The following USP33 variants were observed in gnomAD, a reference collection of about 807,000 sequenced individuals.
USP33 encodes ubiquitin specific peptidase 33.
USP33 carries 46 observed loss-of-function variants against 124.2 expected under a neutral mutation model. The observed-to-expected ratio is 0.37, with a 90% confidence interval of 0.29 to 0.47. The LOEUF is 0.47. Among genes scored for constraint, USP33 ranks in the 20% least tolerant of loss-of-function variants. The pLI, the probability that USP33 is intolerant of heterozygous loss-of-function variation, is 0.99. For synonymous variants in USP33, 350 were observed against 352.3 expected, an observed-to-expected ratio of 0.99 and a Z score of 0.07; for missense variants, 851 against 1,070.6, an observed-to-expected ratio of 0.79 and a Z score of 2.86.
At position 77,710,244 on chromosome 1, in the gene USP33, T is replaced by C. The variant is rs369822975; in HGVS notation, c.2406+1503A>G. 2.6e-5 allele frequency among the ~76,000 whole-genome samples: 4 copies of C among 152,296 alleles called. No homozygotes were observed. In the East Asian group the frequency reaches 5.8e-4, roughly 22 times the overall value. On this transcript the variant is annotated intron_variant, in intron 21 of 23. Transcript: ENST00000370794. ...AGAAATTCTCTTTACCCTCTGTGGT[T>C]ATAAACACCATTCTTGGCCACTGCT... is the stretch of plus-strand genomic sequence containing the variant.
intron 17 of USP33, among the ~76,000 whole-genome samples, chr1:77,716,244 C>G (rs1426451903): frequency 6.6e-6 from 1 of 151,868 alleles, no homozygotes; most frequent in Non-Finnish European, 1.5e-5. Flanking sequence ...TGTTTTTTTA[C>G]AGATGGGGTC....
chr1:77,700,900 T>C (rs1673938319), intron 22 of USP33, among the ~76,000 whole-genome samples: 1 of 152,078 alleles, frequency 6.6e-6, no homozygotes, highest in African/African-American at 2.4e-5. Context: ...AGGGTTTCAC[T>C]ATGTTTCAGG....
intron 11 of USP33, among the ~76,000 whole-genome samples, chr1:77,725,141 G>A (rs1250642424): frequency 6.6e-6 from 1 of 151,422 alleles, no homozygotes; most frequent in Non-Finnish European, 1.5e-5. Context: ...ATCCTGAGAG[G>A]CAAACCTGTT....
intron 5 of USP33, among the ~76,000 whole-genome samples, 165 bp downstream of exon 5, chr1:77,739,100 G>C (rs1317331301): frequency 1.3e-5 from 2 of 152,094 alleles, no homozygotes; most frequent in Non-Finnish European, 2.9e-5. Flanking sequence ...AGCAACACAA[G>C]AAAGGGGAGT....
chr1:77,734,327 A>C lies in USP33; in HGVS notation c.524+20T>G. 1.3e-6 allele frequency: 2 copies of C among 1,535,142 alleles called. No homozygotes were observed. Among genetic ancestry groups the C allele is most frequent in the Non-Finnish European group, 1.8e-6 (2 of 1,134,928 alleles). ...CTTAAAAAATTATACAAATAAAACA[A>C]AATTAATTTCTCTATTTACCAATTA... is the stretch of plus-strand genomic sequence containing the variant. On this transcript the variant is annotated intron_variant, in intron 7 of 23. Coordinates refer to ENST00000370794, the MANE Select transcript of USP33 (RefSeq NM_201624.3).
In USP33 at chr1:77,701,396, C is replaced by T. The variant is rs1673999598; in HGVS notation, c.2482G>A (p.Glu828Lys). 6.2e-7 allele frequency: 1 copy of T among 1,612,056 alleles called. No homozygotes were observed. Among genetic ancestry groups the T allele is most frequent in the South Asian group, 1.1e-5 (1 of 90,648 alleles). ...CCATCTTTACCCTTCACAAAACTTT[C>T]CCATTCTCTAAACCACTGCATACTG... Reference protein sequence around the residue: ...CISMQWFREWESFVKGKDGDP... With the variant: ...CISMQWFREWKSFVKGKDGDP... The change falls in exon 22 of 24, where the codon GAA becomes AAA. Residue 828 changes from glutamate to lysine, a missense_variant. Glu to Lys is a moderately conservative substitution (Grantham distance 56). This residue lies in a region of USP33 where 142 missense variants were observed against 141.8 expected (regional missense o/e 1.00). Transcript: ENST00000370794.
chr1:77,700,676 G>A (rs918445558), intron 22 of USP33, among the ~76,000 whole-genome samples: 17 of 150,184 alleles, frequency 1.1e-4, no homozygotes, highest in Admixed American at 1.1e-3. Flanking sequence ...TATTGTTGCA[G>A]CCTTTTTCAC....
chr1:77,718,567 T>C (rs1676181142), intron 16 of USP33, 29 bp downstream of exon 16: 1 of 1,535,800 alleles, frequency 6.5e-7, no homozygotes, highest in African/African-American at 1.4e-5. Flanking sequence ...TACCACACAA[T>C]ATAAGTTGAA....
chr1:77,739,229 G>GT, intron 5 of USP33, 36 bp downstream of exon 5: 1 of 1,582,104 alleles, frequency 6.3e-7, no homozygotes, highest in Admixed American at 1.8e-5. Flanking sequence ...TTACCGGAAT[G>GT]TTTTACAGCT....
chr1:77,750,942 T>C (rs1336203810), intron 1 of USP33, among the ~76,000 whole-genome samples: 1 of 152,210 alleles, frequency 6.6e-6, no homozygotes, highest in Non-Finnish European at 1.5e-5. Flanking sequence ...TCTTCTCAAA[T>C]TGTACACCAA....
chr1:77,735,580 A>G (rs964697586), intron 6 of USP33, among the ~76,000 whole-genome samples: 3 of 152,222 alleles, frequency 2.0e-5, no homozygotes, highest in Non-Finnish European at 4.4e-5. Context: ...TATCAATTAT[A>G]AAACAGAAAA....
intron 1 of USP33, among the ~76,000 whole-genome samples, chr1:77,742,293 T>C (rs1163852316): frequency 1.3e-5 from 2 of 152,202 alleles, no homozygotes. Context: ...CCCGGCACTA[T>C]TGACACTTAG....
At chr1:77,733,478 A>G (rs1678083003) in intron 7 of USP33, among the ~76,000 whole-genome samples, 1 of 152,162 alleles carries the variant, frequency 6.6e-6, no homozygotes, top group African/African-American at 2.4e-5. Flanking sequence ...TTATTTCACA[A>G]GGTTATGAAA....
rs922362097 is a variant in USP33 at position 77,734,985 on chromosome 1, T to C, written c.455-569A>G. On this transcript the variant is annotated intron_variant, in intron 6 of 23. Transcript: ENST00000370794. ...AAAAATACAAAAAATTTGCCGGGCA[T>C]GGTGGCGGGTGCCTGTAGTCCCAGC... Among the ~76,000 whole-genome samples the C allele has an allele frequency of 5.3e-5, 8 of 152,022 alleles. No homozygotes were observed. The East Asian group carries it at 9.6e-4, about 18-fold the overall frequency.
At chr1:77,717,330 A>G (rs941167962) in intron 17 of USP33, among the ~76,000 whole-genome samples, 1 of 152,068 alleles carries the variant, frequency 6.6e-6, no homozygotes, top group Non-Finnish European at 1.5e-5. Flanking sequence ...TCCACTAAAA[A>G]TACAAAAAAA....
Position 77,711,852 on chromosome 1 carries a change from A to G in USP33, c.2301T>C (p.Tyr767=). The change falls in exon 21 of 24, where the codon TAT becomes TAC. Residue 767 remains tyrosine, a synonymous_variant. Transcript: ENST00000370794. ...GATGGTTGACAGCTGGTCCTCCACC[A>G]TACCTAAAGCATGAAAAATTTAAGA... ...QNIWDNLYSR[Y]GGGPAVNHLY... The G allele has an allele frequency of 6.3e-7, 1 of 1,591,176 alleles. No individual in the cohort carries two copies. The highest frequency in any genetic ancestry group is 8.5e-7 in the Non-Finnish European group (1 of 1,174,140).
At chr1:77,732,915 T>C (rs1452758870) in intron 7 of USP33, among the ~76,000 whole-genome samples, 1 of 149,042 alleles carries the variant, frequency 6.7e-6, no homozygotes, top group Non-Finnish European at 1.5e-5. Context: ...TGCCTCAGCC[T>C]CTCGAGTAGC....
At chr1:77,712,437 C>T (rs905414781) in intron 20 of USP33, among the ~76,000 whole-genome samples, 3 of 152,064 alleles carry the variant, frequency 2.0e-5, no homozygotes, top group African/African-American at 4.8e-5. Context: ...GGCACAAAAT[C>T]GCTTGAAACT....
At chr1:77,752,024 G>A (rs1327402918) in intron 1 of USP33, among the ~76,000 whole-genome samples, 1 of 151,886 alleles carries the variant, frequency 6.6e-6, no homozygotes, top group African/African-American at 2.4e-5. Flanking sequence ...TATTTTCGTA[G>A]TACAATCTCC....
Sources: gnomAD v4.1 joint callset for allele counts (sites outside exome capture counted in the v4.1 genomes callset) on GRCh38, gnomAD v4.1.1 for gene constraint, gnomAD v4.1.1 regional missense constraint, MANE v1.5 for transcripts, NCBI Gene and HGNC (gene_info 2026-07-23, HGNC 2026-07-21) for gene names.